Variants in OCA2 observed in about 807,000 individuals in gnomAD.
OCA2 encodes OCA2 melanosomal transmembrane protein.
Under a neutral mutation model 100.2 loss-of-function variants are expected in OCA2, and 77 were observed. That is an observed-to-expected ratio of 0.77 (90% CI 0.64 to 0.93). The LOEUF (loss-of-function observed/expected upper bound fraction) is 0.93, where lower values mean the gene tolerates loss of function less well. OCA2 is among the 40% of genes least tolerant of loss of function. OCA2 has a pLI of 0.00. For missense variants in OCA2, 1,062 were observed against 1,089.1 expected, an observed-to-expected ratio of 0.98 and a Z score of 0.35; for synonymous variants, 432 against 439.2, an observed-to-expected ratio of 0.98 and a Z score of 0.21.
intron 18 of OCA2, among the ~76,000 whole-genome samples, chr15:27,939,838 G>A (rs1258260015): frequency 2.6e-5 from 4 of 152,174 alleles, no homozygotes; most frequent in African/African-American, 7.2e-5. Context: ...CATTAAACAC[G>A]GAATGCAAAT....
chr15:27,928,857 C>A (rs112392692), intron 18 of OCA2, among the ~76,000 whole-genome samples: 2,326 of 152,180 alleles, frequency 0.015, 63 homozygotes, highest in African/African-American at 0.053. Flanking sequence ...CCTGGATAAT[C>A]CAGAAAAATC....
chr15:27,862,172 C>T (rs1288876381), intron 21 of OCA2, among the ~76,000 whole-genome samples: 1 of 151,106 alleles, frequency 6.6e-6, no homozygotes, highest in South Asian at 2.1e-4. Flanking sequence ...TCGTCAGCCT[C>T]GAGTCCTCAT....
At chr15:28,098,166 A>C (rs1416330431) in intron 1 of OCA2, among the ~76,000 whole-genome samples, 1 of 152,244 alleles carries the variant, frequency 6.6e-6, no homozygotes, top group Non-Finnish European at 1.5e-5. Context: ...TATGATCCTA[A>C]ATCACATTAC....
intron 19 of OCA2, among the ~76,000 whole-genome samples, chr15:27,914,633 T>C (rs1120605): frequency 0.35 from 52,344 of 151,646 alleles, 9,410 homozygotes; most frequent in Middle Eastern, 0.51. Flanking sequence ...AAAAATACAA[T>C]ACCTAGAAAT....
intron 22 of OCA2, among the ~76,000 whole-genome samples, chr15:27,850,210 C>A (rs1041633640): frequency 2.6e-5 from 4 of 152,182 alleles, no homozygotes; most frequent in African/African-American, 9.7e-5. Flanking sequence ...TGCAGAACCT[C>A]CTCCGATGTC....
At chr15:27,757,025 C>T (rs1355569692) in intron 23 of OCA2, among the ~76,000 whole-genome samples, 2 of 152,232 alleles carry the variant, frequency 1.3e-5, no homozygotes, top group Non-Finnish European at 2.9e-5. Flanking sequence ...CTCTCCCTCA[C>T]AACACCTAGT....
intron 23 of OCA2, among the ~76,000 whole-genome samples, chr15:27,787,342 T>C (rs368021586): frequency 3.9e-5 from 6 of 152,234 alleles, no homozygotes; most frequent in African/African-American, 1.4e-4. Context: ...TAAATTTCAA[T>C]GTTTGATAGA....
At chr15:27,998,020 A>G (rs1270563944) in intron 9 of OCA2, among the ~76,000 whole-genome samples, 1 of 142,608 alleles carries the variant, frequency 7.0e-6, no homozygotes, top group Non-Finnish European at 1.6e-5. Context: ...ATTTTTGTAC[A>G]TTGATTTTGT....
chr15:27,733,459 AGCCAAACTGGCTCATGGCC>A, the OCA2 span, among the ~76,000 whole-genome samples: 46,555 of 151,962 alleles, frequency 0.31, 8,762 homozygotes, highest in Non-Finnish European at 0.43. Flanking sequence ...CTCTTCCCTC[AGCCAAACTGGCTCATGGCC>A]TCATGGCCTC....
intron 19 of OCA2, among the ~76,000 whole-genome samples, chr15:27,901,415 T>C (rs1211811710): frequency 2.0e-5 from 3 of 152,130 alleles, no homozygotes; most frequent in Non-Finnish European, 4.4e-5. Flanking sequence ...GGTCACTGAA[T>C]CTCCTGGCTC....
At chr15:27,921,368 A>C (rs1595650676) in intron 19 of OCA2, among the ~76,000 whole-genome samples, 1 of 152,264 alleles carries the variant, frequency 6.6e-6, no homozygotes, top group Non-Finnish European at 1.5e-5. Context: ...CTGTATTTTA[A>C]AAAGACAAAA....
At chr15:27,955,414 C>T (rs2040189895) in intron 16 of OCA2, among the ~76,000 whole-genome samples, 199 bp from the exon 17 acceptor site, 1 of 152,088 alleles carries the variant, frequency 6.6e-6, no homozygotes, top group Non-Finnish European at 1.5e-5. Context: ...CAAAAAAATA[C>T]ATATAATGAC....
At chr15:27,826,032 G>T (rs1235285096) in intron 23 of OCA2, among the ~76,000 whole-genome samples, 1 of 152,222 alleles carries the variant, frequency 6.6e-6, no homozygotes, top group Non-Finnish European at 1.5e-5. Context: ...GAGAATGCCA[G>T]CTAGAACTGA....
chr15:27,724,180 A>T, the OCA2 span, among the ~76,000 whole-genome samples: 2 of 152,172 alleles, frequency 1.3e-5, no homozygotes. Context: ...GGGCTGCTGT[A>T]ACAAGATACT....
At chr15:27,744,246 G>T in the OCA2 span, among the ~76,000 whole-genome samples, 3 of 152,166 alleles carry the variant, frequency 2.0e-5, no homozygotes, top group Admixed American at 6.5e-5. Flanking sequence ...GGAGGGGGAT[G>T]GTGGTCTTTC....
rs1373308641 is a variant in OCA2 at position 27,966,757 on chromosome 15, G to A, written c.1569C>T (p.Cys523=). The change falls in exon 15 of 24, where the codon TGC becomes TGT. Residue 523 remains cysteine (C), a synonymous_variant. Transcript: ENST00000354638. ...FIGICLVLLV[C]FPLLRLLYWN... ...AGTAAAGGAGTCTGAGGAGCGGAAAGCAGACCAGGAGAACAAGGCAAATCC... is the reference window on the plus strand; with the variant it reads ...AGTAAAGGAGTCTGAGGAGCGGAAAACAGACCAGGAGAACAAGGCAAATCC... 1 of 1,613,682 alleles carries A rather than the reference G, an allele frequency of 6.2e-7. No individual in the cohort carries two copies. Among genetic ancestry groups the A allele is most frequent in the Non-Finnish European group, 8.5e-7 (1 of 1,179,990 alleles).
intron 2 of OCA2, among the ~76,000 whole-genome samples, chr15:28,070,543 G>A (rs1376882846): frequency 7.3e-4 from 107 of 146,302 alleles, no homozygotes; most frequent in African/African-American, 2.7e-3. Context: ...GGAGGTGGGG[G>A]GGTCAGCCCT....
chr15:27,900,386 A>G (rs2037880493), intron 19 of OCA2, among the ~76,000 whole-genome samples: 1 of 152,006 alleles, frequency 6.6e-6, no homozygotes, highest in Non-Finnish European at 1.5e-5. Context: ...CCATACTGGG[A>G]GCCTCCCTAG....
chr15:27,782,005 A>C (rs1176689297), intron 23 of OCA2, among the ~76,000 whole-genome samples: 1 of 152,236 alleles, frequency 6.6e-6, no homozygotes, highest in Admixed American at 6.5e-5. Flanking sequence ...AAAAACACAC[A>C]AAAGCATTTG....
Sources: allele counts gnomAD v4.1 joint callset (sites outside exome capture counted in the v4.1 genomes callset), GRCh38; gene constraint gnomAD v4.1.1; transcripts MANE v1.5; gene names NCBI Gene and HGNC (gene_info 2026-07-23, HGNC 2026-07-21).